Variants in MMP26 observed in about 807,000 individuals in gnomAD.
The protein encoded by MMP26 is matrix metallopeptidase 26, also known as matrix metalloproteinase-26.
MMP26 carries 33 observed loss-of-function variants against 31.0 expected under a neutral mutation model. The ratio of observed to expected loss-of-function variants is 1.06; its 90% CI spans 0.81 to 1.42. MMP26 has a LOEUF of 1.42. Among genes scored for constraint, MMP26 ranks in the 40% most tolerant of loss-of-function variants. The pLI is 0.00. For synonymous variants in MMP26, 122 were observed against 114.9 expected (o/e 1.06, Z -0.40); for missense variants, 347 against 316.1 (o/e 1.10, Z -0.74).
intron 1 of MMP26, among the ~76,000 whole-genome samples, chr11:4,713,314 T>C (rs1272466331): frequency 6.6e-6 from 1 of 152,144 alleles, no homozygotes; most frequent in African/African-American, 2.4e-5. Context: ...TCTTCATGCC[T>C]AACATAGATC....
chr11:4,795,632 A>G (rs1002722500), intron 2 of MMP26, among the ~76,000 whole-genome samples: 4 of 152,228 alleles, frequency 2.6e-5, no homozygotes, highest in Non-Finnish European at 4.4e-5. Context: ...AATGAGTCAC[A>G]TTAAATGCTA....
chr11:4,929,243 A>G (rs1175065959), intron 2 of MMP26, among the ~76,000 whole-genome samples: 3 of 152,080 alleles, frequency 2.0e-5, no homozygotes, highest in Non-Finnish European at 2.9e-5. Context: ...GAATGGTATG[A>G]CTTATTCCAC....
chr11:4,724,796 A>G (rs1183344957), intron 1 of MMP26, among the ~76,000 whole-genome samples: 4 of 152,242 alleles, frequency 2.6e-5, no homozygotes, highest in Non-Finnish European at 5.9e-5. Context: ...GCAGATGCTA[A>G]ATTCCAAAGT....
intron 1 of MMP26, among the ~76,000 whole-genome samples, chr11:4,721,931 T>A (rs1167269876): frequency 6.6e-6 from 1 of 152,204 alleles, no homozygotes; most frequent in African/African-American, 2.4e-5. Context: ...TCCAGGCATC[T>A]CAGCATCCCT....
At chr11:4,849,070 CAG>C (rs765964791) in intron 2 of MMP26, 1 of 1,614,016 alleles carries the variant, frequency 6.2e-7, no homozygotes, top group South Asian at 1.1e-5. Context: ...TTTCCCAGTG[CAG>C]AGAGAAGGTA....
chr11:4,734,642 G>A (rs902813656), intron 1 of MMP26, among the ~76,000 whole-genome samples: 10 of 151,764 alleles, frequency 6.6e-5, no homozygotes, highest in African/African-American at 1.7e-4. Flanking sequence ...TTTATGACCC[G>A]TGGGTTATTT....
intron 2 of MMP26, among the ~76,000 whole-genome samples, chr11:4,802,402 T>A (rs1210308509): frequency 6.6e-6 from 1 of 152,210 alleles, no homozygotes; most frequent in East Asian, 1.9e-4. Context: ...GGAGGACAAT[T>A]TGCTATCTGT....
At chr11:4,737,530 C>T (rs1848256892) in intron 1 of MMP26, among the ~76,000 whole-genome samples, 1 of 152,178 alleles carries the variant, frequency 6.6e-6, no homozygotes, top group Admixed American at 6.5e-5. Flanking sequence ...GTAATCCCAG[C>T]TACTTGGGAG....
intron 2 of MMP26, among the ~76,000 whole-genome samples, chr11:4,796,301 G>A (rs1356684882): frequency 6.6e-6 from 1 of 152,158 alleles, no homozygotes; most frequent in Non-Finnish European, 1.5e-5. Context: ...TTACAATACA[G>A]AATAAACATT....
At chr11:4,941,996 A>G (rs1846214263) in intron 2 of MMP26, among the ~76,000 whole-genome samples, 1 of 150,084 alleles carries the variant, frequency 6.7e-6, no homozygotes, top group African/African-American at 2.5e-5. Flanking sequence ...GAGGCAGGAG[A>G]ATCACTTGAA....
intron 2 of MMP26, among the ~76,000 whole-genome samples, chr11:4,939,127 C>T (rs527538218): frequency 9.2e-5 from 14 of 152,036 alleles, no homozygotes; most frequent in Non-Finnish European, 1.9e-4. Flanking sequence ...TTATTATTTT[C>T]CTGATTTATT....
intron 2 of MMP26, chr11:4,909,210 C>G (rs1850953388): frequency 6.6e-6 from 1 of 151,760 alleles, no homozygotes; most frequent in African/African-American, 2.4e-5. Flanking sequence ...TTTGGTACCA[C>G]AATAATTTTC....
At chr11:4,975,494 T>C (rs1424092108) in intron 2 of MMP26, among the ~76,000 whole-genome samples, 2 of 152,072 alleles carry the variant, frequency 1.3e-5, no homozygotes, top group African/African-American at 2.4e-5. Flanking sequence ...GCTTGTAAGA[T>C]TGTTATTTGC....
intron 2 of MMP26, among the ~76,000 whole-genome samples, chr11:4,836,664 T>A: frequency 7.3e-6 from 1 of 136,196 alleles, no homozygotes; most frequent in Non-Finnish European, 1.6e-5. Context: ...TTTTTTTTTT[T>A]TTTTTTTTTT....
intron 2 of MMP26, chr11:4,946,740 A>G (rs771704698): frequency 1.3e-6 from 2 of 1,589,434 alleles, no homozygotes; most frequent in Admixed American, 3.4e-5. Flanking sequence ...CTATCAAATG[A>G]CATGATCAGG....
At chr11:4,891,221 GT>G (rs1170582970) in intron 2 of MMP26, among the ~76,000 whole-genome samples, 3 of 152,110 alleles carry the variant, frequency 2.0e-5, no homozygotes, top group African/African-American at 7.2e-5. Flanking sequence ...TTGGATCGTG[GT>G]TCTGCAGGCT....
rs1018612646 is a variant in MMP26 at position 4,988,093 on chromosome 11, A to G, written c.-119A>G. ...GTATGGATGATGACGCCACTCACAG[A>G]TTCAAAGAAAGGGCAAACTGGCAGA... is the stretch of plus-strand genomic sequence containing the variant. On this transcript the variant is annotated 5_prime_UTR_variant, in exon 3 of 8. Coordinates refer to ENST00000380390, the MANE Select transcript of MMP26 (RefSeq NM_021801.5). The G allele has an allele frequency of 2.3e-6, 2 of 876,174 alleles. No individual in the cohort carries two copies. Among genetic ancestry groups the G allele is most frequent in the African/African-American group, 3.3e-5 (2 of 60,956 alleles). 54.3% of individuals were successfully genotyped at this position (876,174 alleles called of 1,614,324 possible). A position where few individuals can be genotyped will look rare whatever the true frequency, so the allele number is the denominator to read the frequency against.
intron 2 of MMP26, among the ~76,000 whole-genome samples, chr11:4,940,343 T>G (rs1296196278): frequency 6.6e-6 from 1 of 152,116 alleles, no homozygotes; most frequent in Non-Finnish European, 1.5e-5. Flanking sequence ...ACACTCTGTC[T>G]CTCCTTGAAA....
At chr11:4,943,885 C>A (rs186167529) in intron 2 of MMP26, 1 of 445,402 alleles carries the variant, frequency 2.2e-6, no homozygotes, top group African/African-American at 2.0e-5. Context: ...TACAGATGAT[C>A]TTTGATACTC....
Sources: allele counts gnomAD v4.1 joint callset (sites outside exome capture counted in the v4.1 genomes callset), GRCh38; gene constraint gnomAD v4.1.1; transcripts MANE v1.5; gene names NCBI Gene and HGNC (gene_info 2026-07-23, HGNC 2026-07-21).